Variants in KCNC2 observed in about 807,000 individuals in gnomAD.
KCNC2 encodes the protein voltage-gated potassium channel KCNC2.
In KCNC2, 21 loss-of-function variants were observed where a neutral mutation model predicts 44.5. That is an observed-to-expected ratio of 0.47 (90% CI 0.33 to 0.68). KCNC2 has a LOEUF of 0.68. Among genes scored for constraint, KCNC2 ranks in the 30% least tolerant of loss-of-function variants. The pLI is 0.01. For synonymous variants in KCNC2, 391 were observed against 339.1 expected (o/e 1.15, Z -1.68); for missense variants, 589 against 826.2 (o/e 0.71, Z 3.52).
At chr12:75,166,767 A>G (rs1369004147) in intron 2 of KCNC2, among the ~76,000 whole-genome samples, 2 of 151,118 alleles carry the variant, frequency 1.3e-5, no homozygotes, top group Non-Finnish European at 3.0e-5. Flanking sequence ...CAACAAATGA[A>G]AACAAAAAAA....
chr12:75,195,446 T>C (rs967886758), intron 2 of KCNC2, among the ~76,000 whole-genome samples: 3 of 152,096 alleles, frequency 2.0e-5, no homozygotes, highest in Admixed American at 6.6e-5. Flanking sequence ...GATACCCAAA[T>C]AGTAACCATT....
intron 2 of KCNC2, among the ~76,000 whole-genome samples, chr12:75,171,585 A>G (rs1185978082): frequency 6.6e-6 from 1 of 151,896 alleles, no homozygotes; most frequent in Non-Finnish European, 1.5e-5. Flanking sequence ...GGAAATTAAT[A>G]TCTTGAAGGT....
rs191991285 is a variant in KCNC2 at position 75,188,784 on chromosome 12, C to T, written c.687+18513G>A. 1.5e-3 allele frequency among the ~76,000 whole-genome samples: 231 copies of T among 151,636 alleles called. 1 individual carries two copies. Among genetic ancestry groups the T allele is most frequent in the Middle Eastern group, 0.014 (4 of 292 alleles). On this transcript the variant is annotated intron_variant, in intron 2 of 4. Coordinates refer to ENST00000549446, the MANE Select transcript of KCNC2 (RefSeq NM_139137.4). Reference sequence around the variant, plus strand: ...CTGAGGCAGGAGAATCACTTGAACCCGGAGTTGGAGGATGCAGTGAACCGA... The same window carrying T: ...CTGAGGCAGGAGAATCACTTGAACCTGGAGTTGGAGGATGCAGTGAACCGA...
At chr12:75,177,318 A>G (rs1892258048) in intron 2 of KCNC2, among the ~76,000 whole-genome samples, 1 of 151,922 alleles carries the variant, frequency 6.6e-6, no homozygotes, top group African/African-American at 2.4e-5. Context: ...ATATAACTAA[A>G]ATTCTGTATA....
intron 2 of KCNC2, among the ~76,000 whole-genome samples, chr12:75,180,889 T>C (rs1164063350): frequency 1.3e-5 from 2 of 152,132 alleles, no homozygotes; most frequent in African/African-American, 2.4e-5. Context: ...TAACTTTCAA[T>C]GTCTTCCATA....
intron 2 of KCNC2, among the ~76,000 whole-genome samples, chr12:75,204,696 C>T (rs1451876247): frequency 6.6e-6 from 1 of 152,034 alleles, no homozygotes; most frequent in East Asian, 1.9e-4. Context: ...CAACTTGTGG[C>T]CTCCACATAT....
intron 2 of KCNC2, among the ~76,000 whole-genome samples, chr12:75,067,844 C>T (rs1349537853): frequency 6.6e-6 from 1 of 151,996 alleles, no homozygotes; most frequent in African/African-American, 2.4e-5. Context: ...ATTCTCTATT[C>T]CCCCACTCCT....
At chr12:75,130,880 TC>T (rs1888796428) in intron 2 of KCNC2, among the ~76,000 whole-genome samples, 2 of 151,736 alleles carry the variant, frequency 1.3e-5, no homozygotes, top group Non-Finnish European at 2.9e-5. Context: ...CCATATCAGC[TC>T]ACTGGCAATC....
At chr12:75,156,868 T>A (rs575295516) in intron 2 of KCNC2, among the ~76,000 whole-genome samples, 1 of 151,972 alleles carries the variant, frequency 6.6e-6, no homozygotes, top group South Asian at 2.1e-4. Context: ...TAATTCATCG[T>A]AGTATCATTT....
At position 75,040,382 on chromosome 12, in the gene KCNC2, A is replaced by T. The variant is rs202163937; in HGVS notation, c.*2723T>A. Reference sequence around the variant, plus strand: ...TCATTTGCCACAAAACTCACAAAAAAGTAATTGATTAAAGAATATCTCTTT... The same window carrying T: ...TCATTTGCCACAAAACTCACAAAAATGTAATTGATTAAAGAATATCTCTTT... On this transcript the variant is annotated 3_prime_UTR_variant, in exon 5 of 5. Coordinates refer to ENST00000549446, the MANE Select transcript of KCNC2 (RefSeq NM_139137.4). The T allele has an allele frequency of 7.2e-5, 11 of 152,348 alleles. No individual in the cohort carries two copies. The highest frequency in any genetic ancestry group is 2.7e-4 in the African/African-American group (11 of 41,444). The allele number at this position is 152,348 out of a possible 1,614,324, so 9.4% of individuals were successfully genotyped here.
At chr12:75,067,265 G>A (rs1270865105) in intron 2 of KCNC2, among the ~76,000 whole-genome samples, 1 of 152,110 alleles carries the variant, frequency 6.6e-6, no homozygotes, top group African/African-American at 2.4e-5. Context: ...GTTAGGTCAC[G>A]TGTTTAGAGT....
chr12:75,191,590 C>A (rs1178300571), intron 2 of KCNC2, among the ~76,000 whole-genome samples: 3 of 115,322 alleles, frequency 2.6e-5, no homozygotes, highest in African/African-American at 9.9e-5. Context: ...GTCGCCCAGG[C>A]TGGACTGCGG....
At chr12:75,145,776 A>T (rs7138539) in intron 2 of KCNC2, among the ~76,000 whole-genome samples, 23,036 of 152,114 alleles carry the variant, frequency 0.15, 2,092 homozygotes, top group Middle Eastern at 0.27. Context: ...GAATTAACTG[A>T]AATATTTTGA....
chr12:75,151,947 TATATA>T (rs1441333120), intron 2 of KCNC2, among the ~76,000 whole-genome samples: 1 of 146,512 alleles, frequency 6.8e-6, no homozygotes, highest in African/African-American at 2.5e-5. Context: ...TATACATTTA[TATATA>T]ATATATTATA....
intron 2 of KCNC2, among the ~76,000 whole-genome samples, chr12:75,167,152 C>T (rs988234034): frequency 3.3e-5 from 5 of 151,170 alleles, no homozygotes; most frequent in Admixed American, 2.6e-4. Context: ...ATACTATGAA[C>T]AACTATATAC....
At chr12:75,183,778 A>T (rs990175931) in intron 2 of KCNC2, among the ~76,000 whole-genome samples, 3 of 152,178 alleles carry the variant, frequency 2.0e-5, no homozygotes, top group African/African-American at 7.2e-5. Context: ...TATGAAAATA[A>T]AATTGAAGAA....
chr12:75,141,049 T>C (rs1251654654), intron 2 of KCNC2, among the ~76,000 whole-genome samples: 2 of 152,194 alleles, frequency 1.3e-5, no homozygotes, highest in Non-Finnish European at 2.9e-5. Context: ...TTTGCTCTTG[T>C]CCTTAGGCAA....
chr12:75,176,834 C>CA (rs1337907897), intron 2 of KCNC2, among the ~76,000 whole-genome samples: 4 of 151,664 alleles, frequency 2.6e-5, no homozygotes, highest in Admixed American at 6.6e-5. Context: ...ATTTGACCAA[C>CA]AAAAAAACCT....
chr12:75,086,550 A>T (rs1448179527), intron 2 of KCNC2, among the ~76,000 whole-genome samples: 15 of 151,566 alleles, frequency 9.9e-5, no homozygotes, highest in African/African-American at 3.6e-4. Context: ...ACATTTGGTC[A>T]TGTAGTAGAC....
Sources: gnomAD v4.1 joint callset for allele counts (sites outside exome capture counted in the v4.1 genomes callset) on GRCh38, gnomAD v4.1.1 for gene constraint, MANE v1.5 for transcripts, NCBI Gene and HGNC (gene_info 2026-07-23, HGNC 2026-07-21) for gene names.